The following RAB38 variants were observed in gnomAD, a reference collection of about 807,000 sequenced individuals.
RAB38 encodes ras-related protein Rab-38.
Under a neutral mutation model 18.4 loss-of-function variants are expected in RAB38, and 15 were observed. The ratio of observed to expected loss-of-function variants is 0.82; its 90% CI spans 0.55 to 1.26. RAB38 has a LOEUF of 1.26. Ranked by LOEUF, RAB38 falls within the 50% of genes most tolerant of loss-of-function variation. RAB38 has a pLI of 0.00. For missense variants in RAB38, 294 were observed against 267.4 expected (o/e 1.10, Z -0.69); for synonymous variants, 101 against 104.4 (o/e 0.97, Z 0.20).
chr11:87,967,092 G>A, the RAB38 span, among the ~76,000 whole-genome samples: 1 of 152,132 alleles, frequency 6.6e-6, no homozygotes, highest in Admixed American at 6.6e-5. Context: ...CAAATAATTT[G>A]ATTTTCAAAT....
At chr11:87,831,976 A>T in the RAB38 span, among the ~76,000 whole-genome samples, 1 of 152,216 alleles carries the variant, frequency 6.6e-6, no homozygotes, top group Non-Finnish European at 1.5e-5. Flanking sequence ...AATGTCTACT[A>T]TGTGCCAAAG....
chr11:87,805,186 C>A, the RAB38 span, among the ~76,000 whole-genome samples: 3 of 152,096 alleles, frequency 2.0e-5, no homozygotes, highest in Non-Finnish European at 4.4e-5. Context: ...GTGAAAGAGC[C>A]TGCTTGGTAA....
At chr11:88,167,090 T>C (rs879529969) in intron 1 of RAB38, 1 of 152,138 alleles carries the variant, frequency 6.6e-6, no homozygotes, top group Admixed American at 6.5e-5. Flanking sequence ...TGGAACTTTA[T>C]GGGAGCAGAA....
At chr11:88,090,328 GAGTCCTGTGGTATGCC>G in the RAB38 span, among the ~76,000 whole-genome samples, 2 of 151,926 alleles carry the variant, frequency 1.3e-5, no homozygotes, top group Admixed American at 6.6e-5. Context: ...TCCTAATGGT[GAGTCCTGTGGTATGCC>G]AGTCATTGTC....
At chr11:88,004,563 T>C in the RAB38 span, among the ~76,000 whole-genome samples, 4 of 151,306 alleles carry the variant, frequency 2.6e-5, no homozygotes, top group Non-Finnish European at 5.9e-5. Flanking sequence ...GCTATCCATC[T>C]ATGAGCAGGG....
At chr11:87,845,542 A>C in the RAB38 span, among the ~76,000 whole-genome samples, 1 of 152,132 alleles carries the variant, frequency 6.6e-6, no homozygotes, top group African/African-American at 2.4e-5. Context: ...TCTGGTACGT[A>C]GGGGATGATA....
At chr11:88,069,162 G>A in the RAB38 span, among the ~76,000 whole-genome samples, 4 of 152,248 alleles carry the variant, frequency 2.6e-5, no homozygotes, top group East Asian at 1.9e-4. Context: ...CAGCACCGCT[G>A]GCTCTGGGGA....
the RAB38 span, among the ~76,000 whole-genome samples, chr11:88,083,392 C>A: frequency 6.6e-6 from 1 of 151,752 alleles, no homozygotes; most frequent in African/African-American, 2.4e-5. Flanking sequence ...GAAAATGACT[C>A]ACAATGGATG....
the RAB38 span, among the ~76,000 whole-genome samples, chr11:87,900,030 A>G: frequency 4.6e-5 from 7 of 151,628 alleles, no homozygotes; most frequent in East Asian, 1.4e-3. Flanking sequence ...TCTCTGAACG[A>G]GACACTGACG....
rs755802884 is a variant in RAB38, at chr11:88,114,004, C to T, written c.620G>A (p.Gly207Asp). ...AGGTGCCTACTAGGATTTGGCACAG[C>T]CAGAGCAGCTGGCAACCTTGGTTGA... is the stretch of plus-strand genomic sequence containing the variant. ...LTSTKVASCS[G>D]CAKS The change falls in exon 3 of 3, where the codon GGC becomes GAC. Residue 207 changes from glycine (G) to aspartate (D), a missense_variant. Gly to Asp is a moderately conservative substitution (Grantham distance 94). Transcript: ENST00000243662. 1 of 1,614,144 alleles carries T rather than the reference C, an allele frequency of 6.2e-7. No individual in the cohort carries two copies. The highest frequency in any genetic ancestry group is 8.5e-7 in the Non-Finnish European group (1 of 1,180,010).
the RAB38 span, among the ~76,000 whole-genome samples, chr11:87,967,438 A>T: frequency 3.9e-5 from 6 of 152,220 alleles, no homozygotes; most frequent in East Asian, 1.9e-4. Flanking sequence ...ATATTTTTTT[A>T]AAATAGTGGT....
chr11:88,032,835 T>C, the RAB38 span, among the ~76,000 whole-genome samples: 1 of 152,234 alleles, frequency 6.6e-6, no homozygotes, highest in African/African-American at 2.4e-5. Flanking sequence ...CTCAGGGATC[T>C]AGAACTAGAA....
chr11:88,020,450 T>C, the RAB38 span, among the ~76,000 whole-genome samples: 1 of 152,192 alleles, frequency 6.6e-6, no homozygotes, highest in African/African-American at 2.4e-5. Context: ...CCCAGATATA[T>C]AAACCATTTA....
At chr11:88,097,558 C>T in the RAB38 span, among the ~76,000 whole-genome samples, 2 of 151,940 alleles carry the variant, frequency 1.3e-5, no homozygotes, top group South Asian at 2.1e-4. Context: ...GTGTGCCATG[C>T]GGTGCCCTCA....
the RAB38 span, among the ~76,000 whole-genome samples, chr11:88,085,456 T>C: frequency 2.0e-5 from 3 of 151,902 alleles, no homozygotes; most frequent in Non-Finnish European, 2.9e-5. Context: ...CAAATTCAGA[T>C]CTTTTGGCTC....
chr11:87,822,716 T>TAG, the RAB38 span, among the ~76,000 whole-genome samples: 60 of 152,332 alleles, frequency 3.9e-4, 1 homozygote, highest in East Asian at 8.3e-3. Context: ...TTTAGTTCAT[T>TAG]AGAAGTGAGT....
the RAB38 span, among the ~76,000 whole-genome samples, chr11:88,073,580 T>C: frequency 6.6e-6 from 1 of 152,092 alleles, no homozygotes; most frequent in Non-Finnish European, 1.5e-5. Context: ...AAGCCAGACA[T>C]AGATTACTGG....
the RAB38 span, among the ~76,000 whole-genome samples, chr11:87,936,921 T>C: frequency 6.6e-6 from 1 of 152,072 alleles, no homozygotes; most frequent in African/African-American, 2.4e-5. Context: ...AACCATGCCA[T>C]TTGCATTTAT....
At chr11:87,880,362 T>C in the RAB38 span, among the ~76,000 whole-genome samples, 1 of 151,744 alleles carries the variant, frequency 6.6e-6, no homozygotes, top group Non-Finnish European at 1.5e-5. Context: ...TCTTTCCTGC[T>C]CTTCTATCCC....
Sources: gnomAD v4.1 joint callset for allele counts (sites outside exome capture counted in the v4.1 genomes callset) on GRCh38, gnomAD v4.1.1 for gene constraint, MANE v1.5 for transcripts, NCBI Gene and HGNC (gene_info 2026-07-23, HGNC 2026-07-21) for gene names.